The following DNAH11 variants were observed in gnomAD, a reference collection of about 807,000 sequenced individuals.
DNAH11 encodes the protein dynein axonemal heavy chain 11.
Under a neutral mutation model 526.0 loss-of-function variants are expected in DNAH11, and 442 were observed. The observed-to-expected ratio is 0.84, with a 90% confidence interval of 0.78 to 0.91. The LOEUF (loss-of-function observed/expected upper bound fraction) is 0.91, where lower values mean the gene tolerates loss of function less well. Among genes scored for constraint, DNAH11 ranks in the 40% least tolerant of loss-of-function variants. The pLI, the probability that DNAH11 is intolerant of heterozygous loss-of-function variation, is 0.00. For synonymous variants in DNAH11, 2,461 were observed against 1,935.9 expected (o/e 1.27, Z -7.12); for missense variants, 6,989 against 5,448.7 (o/e 1.28, Z -8.90).
chr7:21,617,528 G>A lies in DNAH11; in HGVS notation c.4096-91G>A, dbSNP rs1014686768. The A allele has an allele frequency of 4.9e-6, 7 of 1,415,230 alleles. No individual in the cohort carries two copies. In the African/African-American group the frequency reaches 1.0e-4, roughly 20 times the overall value. The allele number at this position is 1,415,230 out of a possible 1,614,324, so 87.7% of individuals were successfully genotyped here. On this transcript the variant is annotated intron_variant, in intron 22 of 81. Coordinates refer to ENST00000409508, the MANE Select transcript of DNAH11 (RefSeq NM_001277115.2). Reference sequence around the variant, plus strand: ...ATGCTTTCACTCTTTTCTAATCCAGGAGTTGGGAAATATATGTCAAAGGAG... The same window carrying A: ...ATGCTTTCACTCTTTTCTAATCCAGAAGTTGGGAAATATATGTCAAAGGAG...
intron 61 of DNAH11, among the ~76,000 whole-genome samples, chr7:21,798,347 C>T (rs1186267722): frequency 2.0e-5 from 3 of 152,174 alleles, no homozygotes; most frequent in East Asian, 1.9e-4. Flanking sequence ...CCACCTGCCT[C>T]GGCCTCCCAA....
At chr7:21,560,352 A>G (rs560778678) in intron 4 of DNAH11, among the ~76,000 whole-genome samples, 1 of 152,316 alleles carries the variant, frequency 6.6e-6, no homozygotes, top group Admixed American at 6.5e-5. Flanking sequence ...GAGTTGATTA[A>G]GGAGAATTGA....
chr7:21,761,347 T>C lies in DNAH11; in HGVS notation c.8941-4081T>C, dbSNP rs539813244. 1.6e-4 allele frequency among the ~76,000 whole-genome samples: 25 copies of C among 152,348 alleles called. No homozygotes were observed. The East Asian group carries it at 3.9e-3, about 23-fold the overall frequency. The stretch of plus-strand genomic sequence containing the variant: ...GAACAAGTATATGTCTATAATTTAA[T>C]TCCCAGAGTCTGGTTTAGCTGATAG... On this transcript the variant is annotated intron_variant, in intron 54 of 81. Coordinates refer to ENST00000409508, the MANE Select transcript of DNAH11 (RefSeq NM_001277115.2).
At chr7:21,718,248 G>A (rs1784743468) in intron 43 of DNAH11, among the ~76,000 whole-genome samples, 1 of 152,064 alleles carries the variant, frequency 6.6e-6, no homozygotes, top group South Asian at 2.1e-4. Flanking sequence ...ATATGTGTTT[G>A]TTGAATCACT....
intron 57 of DNAH11, among the ~76,000 whole-genome samples, chr7:21,781,731 C>T (rs982130878): frequency 6.6e-6 from 1 of 152,134 alleles, no homozygotes; most frequent in African/African-American, 2.4e-5. Context: ...ACTGTATCCA[C>T]TTGCTAAGGC....
At chr7:21,641,872 T>G (rs550653682) in intron 28 of DNAH11, among the ~76,000 whole-genome samples, 1 of 152,294 alleles carries the variant, frequency 6.6e-6, no homozygotes, top group Admixed American at 6.5e-5. Context: ...GTCCCCCTCC[T>G]TAATGAATGA....
intron 49 of DNAH11, among the ~76,000 whole-genome samples, chr7:21,743,129 A>G (rs1785987651): frequency 6.6e-6 from 1 of 152,242 alleles, no homozygotes; most frequent in Admixed American, 6.5e-5. Flanking sequence ...CATGAATTGT[A>G]GGGGCCGTTC....
At chr7:21,851,199 A>G (rs1782619390) in intron 66 of DNAH11, 2 of 185,760 alleles carry the variant, frequency 1.1e-5, no homozygotes, top group Middle Eastern at 2.5e-3. Flanking sequence ...TGTTCTTGTG[A>G]TAGTGAGTGA....
intron 34 of DNAH11, among the ~76,000 whole-genome samples, chr7:21,690,469 T>C (rs1783568923): frequency 6.6e-6 from 1 of 152,206 alleles, no homozygotes; most frequent in Admixed American, 6.5e-5. Flanking sequence ...ATCACCTCCT[T>C]CCATTAAATG....
rs1260584172 is a variant in DNAH11 at position 21,867,955 on chromosome 7, ATTC to A, written c.11791_11793del (p.Phe3931del). 5.7e-6 allele frequency: 9 copies of A among 1,568,284 alleles called. No individual in the cohort carries two copies. The highest frequency in any genetic ancestry group is 7.8e-6 in the Non-Finnish European group (9 of 1,155,422). Reference sequence around the variant, plus strand: ...AAGAAAGCAGCCCAGCCACCCCCATATTCTTCATCCTGTCTCCGGGGGTAGATG... The same window carrying A: ...AAGAAAGCAGCCCAGCCACCCCCATATTCATCCTGTCTCCGGGGGTAGATG... On this transcript the variant is annotated inframe_deletion, in exon 72 of 82. Transcript: ENST00000409508.
chr7:21,789,856 C>T (rs1788393598), intron 61 of DNAH11, among the ~76,000 whole-genome samples: 5 of 77,644 alleles, frequency 6.4e-5, no homozygotes, highest in Admixed American at 1.4e-4. Context: ...TTCTTTCTCT[C>T]TCCTTCCTTC....
Position 21,892,304 on chromosome 7 carries a change from C to A in DNAH11, c.12508-121C>A, listed in dbSNP as rs1459387007. 8 of 1,386,332 alleles carry A rather than the reference C, an allele frequency of 5.8e-6. No individual in the cohort carries two copies. The East Asian group carries it at 1.6e-4, about 28-fold the overall frequency. 85.9% of individuals were successfully genotyped at this position (1,386,332 alleles called of 1,614,324 possible). A position where few individuals can be genotyped will look rare whatever the true frequency, so the allele number is the denominator to read the frequency against. On this transcript the variant is annotated intron_variant, in intron 76 of 81. Coordinates refer to ENST00000409508, the MANE Select transcript of DNAH11 (RefSeq NM_001277115.2). ...GTTGATTATAAAACAGTTTAGGGAG[C>A]CTGCTACCCAGACAGCATTGTGCTG...
intron 61 of DNAH11, among the ~76,000 whole-genome samples, chr7:21,795,390 A>C (rs1218592240): frequency 6.6e-6 from 1 of 151,518 alleles, no homozygotes; most frequent in African/African-American, 2.4e-5. Context: ...CTTTAGGGGA[A>C]CTCCTTGGAG....
intron 2 of DNAH11, among the ~76,000 whole-genome samples, chr7:21,549,971 G>A (rs1442734162): frequency 6.6e-6 from 1 of 152,124 alleles, no homozygotes; most frequent in Non-Finnish European, 1.5e-5. Flanking sequence ...GAGTAGGGGG[G>A]AGTCCCCTGC....
chr7:21,736,877 C>T (rs1199619540), intron 46 of DNAH11, among the ~76,000 whole-genome samples: 1 of 152,090 alleles, frequency 6.6e-6, no homozygotes, highest in East Asian at 1.9e-4. Flanking sequence ...TATTATTTAC[C>T]TACTTTTTCC....
chr7:21,704,287 C>G (rs1784174616), intron 37 of DNAH11, 147 bp from the exon 38 acceptor site: 6 of 746,340 alleles, frequency 8.0e-6, no homozygotes, highest in Non-Finnish European at 1.1e-5. Context: ...CATTTAACCT[C>G]CCTATTGATA....
rs759904861 is a variant in DNAH11, at chr7:21,807,900, C to A, written c.10183C>A (p.Gln3395Lys). 3 of 1,600,000 alleles carry A rather than the reference C, an allele frequency of 1.9e-6. No individual in the cohort carries two copies. Among genetic ancestry groups the A allele is most frequent in the Non-Finnish European group, 1.7e-6 (2 of 1,169,296 alleles). Reference protein sequence around the residue: ...ELEAKKIRWGQSIKSFEAQEK... With the variant: ...ELEAKKIRWGKSIKSFEAQEK... ...TCAGTCAGAGAAGATTCGCTGGGGT[C>A]AATCCATTAAGTCCTTTGAAGCTCA... The change falls in exon 63 of 82, where the codon CAA becomes AAA. Residue 3395 changes from glutamine (Q) to lysine (K), a missense_variant. Coordinates refer to ENST00000409508, the MANE Select transcript of DNAH11 (RefSeq NM_001277115.2).
intron 68 of DNAH11, among the ~76,000 whole-genome samples, chr7:21,858,332 T>C (rs946096268): frequency 4.6e-5 from 7 of 152,156 alleles, no homozygotes; most frequent in Non-Finnish European, 1.0e-4. Context: ...TAAAGATAAA[T>C]ATACAGTTAG....
At position 21,599,895 on chromosome 7, in the gene DNAH11, G is replaced by T. The variant is rs752195932; in HGVS notation, c.2776G>T (p.Asp926Tyr). 1 of 1,609,958 alleles carries T rather than the reference G, an allele frequency of 6.2e-7. No individual in the cohort carries two copies. Among genetic ancestry groups the T allele is most frequent in the Non-Finnish European group, 8.5e-7 (1 of 1,177,410 alleles). Residue 926 changes from aspartate to tyrosine, a missense_variant, in exon 15 of 82, where the codon GAC (aspartate) becomes TAC (tyrosine). By Grantham distance (160) the Asp-to-Tyr change is radical (BLOSUM62 -3). Transcript: ENST00000409508. Reference sequence around the variant, plus strand: ...AGGCTTTTTTCAGGCTATAATGCACGACTTAGACTTCTTTCTGAAGAATAC... The same window carrying T: ...AGGCTTTTTTCAGGCTATAATGCACTACTTAGACTTCTTTCTGAAGAATAC... ...VEGFFQAIMH[D>Y]LDFFLKNTEK...
Sources: allele counts gnomAD v4.1 joint callset (sites outside exome capture counted in the v4.1 genomes callset), GRCh38; gene constraint gnomAD v4.1.1; transcripts MANE v1.5; gene names NCBI Gene and HGNC (gene_info 2026-07-23, HGNC 2026-07-21).